Variants in SRGAP3 observed in about 807,000 individuals in gnomAD.
The protein encoded by SRGAP3 is SLIT-ROBO Rho GTPase-activating protein 3.
In SRGAP3, 39 loss-of-function variants were observed where a neutral mutation model predicts 121.1. The ratio of observed to expected loss-of-function variants is 0.32; its 90% CI spans 0.25 to 0.42. SRGAP3 has a LOEUF of 0.42. Among genes scored for constraint, SRGAP3 ranks in the 10% least tolerant of loss-of-function variants. SRGAP3 has a pLI of 1.00. For missense variants in SRGAP3, 1,213 were observed against 1,470.6 expected (o/e 0.82, Z 2.86); for synonymous variants, 601 against 570.0 (o/e 1.05, Z -0.77).
chr3:9,040,035 C>T (rs959550668), intron 10 of SRGAP3, among the ~76,000 whole-genome samples: 1 of 152,208 alleles, frequency 6.6e-6, no homozygotes, highest in African/African-American at 2.4e-5. Flanking sequence ...CAGGTGCTCT[C>T]CTTGAAAACT....
intron 1 of SRGAP3, among the ~76,000 whole-genome samples, chr3:9,231,910 C>T (rs556687456): frequency 9.2e-5 from 14 of 152,216 alleles, no homozygotes; most frequent in South Asian, 8.3e-4. Flanking sequence ...AGACGTGACT[C>T]GCTCAAAAGA....
intron 10 of SRGAP3, among the ~76,000 whole-genome samples, chr3:9,046,583 C>T (rs1333512267): frequency 6.6e-6 from 1 of 152,236 alleles, no homozygotes; most frequent in Non-Finnish European, 1.5e-5. Flanking sequence ...GGCTTTAAGC[C>T]TAGTTGTCAG....
In SRGAP3 at chr3:9,169,169, T is replaced by C. The variant is rs111970966; in HGVS notation, c.68-44252A>G. ...CTAGGAAATGAGGATAGTAATAGTA[T>C]CTATCTTACAATATTGGGGAGCATG... On this transcript the variant is annotated intron_variant, in intron 1 of 21. Coordinates refer to ENST00000383836, the MANE Select transcript of SRGAP3 (RefSeq NM_014850.4). Among the ~76,000 whole-genome samples, 961 of 152,340 alleles carry C rather than the reference T, an allele frequency of 6.3e-3. 9 individuals carry two copies. Among genetic ancestry groups the C allele is most frequent in the African/African-American group, 0.022 (898 of 41,576 alleles).
At chr3:9,024,701 G>A (rs1228159964) in intron 14 of SRGAP3, among the ~76,000 whole-genome samples, 1 of 152,200 alleles carries the variant, frequency 6.6e-6, no homozygotes, top group Non-Finnish European at 1.5e-5. Flanking sequence ...TGGAGGGAGT[G>A]TATAATCTCT....
chr3:9,004,435 T>C (rs1942946230), intron 18 of SRGAP3, among the ~76,000 whole-genome samples: 1 of 152,204 alleles, frequency 6.6e-6, no homozygotes, highest in Non-Finnish European at 1.5e-5. Flanking sequence ...AATTCATATG[T>C]AATCACAAGA....
intron 1 of SRGAP3, among the ~76,000 whole-genome samples, chr3:9,244,417 T>C (rs1287785582): frequency 6.9e-6 from 1 of 145,038 alleles, no homozygotes; most frequent in African/African-American, 2.6e-5. Flanking sequence ...CTTTTGCTAC[T>C]AAGAAGATGG....
At chr3:9,157,896 A>G (rs1231322477) in intron 1 of SRGAP3, among the ~76,000 whole-genome samples, 2 of 152,252 alleles carry the variant, frequency 1.3e-5, no homozygotes, top group African/African-American at 4.8e-5. Flanking sequence ...TTTCAGCTCG[A>G]GGGAAGATTC....
chr3:9,060,428 CTT>C (rs59248524), intron 5 of SRGAP3, 69 bp from the exon 6 acceptor site: 6,750 of 1,164,382 alleles, frequency 5.8e-3, no homozygotes, highest in East Asian at 8.3e-3. Flanking sequence ...TTTTCTATTC[CTT>C]TTTTTTTTTT....
intron 4 of SRGAP3, among the ~76,000 whole-genome samples, chr3:9,079,344 G>A (rs1182216251): frequency 1.3e-5 from 2 of 152,128 alleles, no homozygotes; most frequent in African/African-American, 4.8e-5. Context: ...TGAGGAAGCC[G>A]TAGGCTCCTC....
intron 1 of SRGAP3, among the ~76,000 whole-genome samples, chr3:9,154,301 C>T (rs1298800481): frequency 2.0e-5 from 3 of 152,082 alleles, no homozygotes; most frequent in African/African-American, 7.2e-5. Context: ...TCACCACCGC[C>T]GCCCCTGGGG....
At position 9,056,349 on chromosome 3, in the gene SRGAP3, G is replaced by A. The variant is rs139757318; in HGVS notation, c.1024-15C>T. On this transcript the variant is annotated splice_polypyrimidine_tract_variant and intron_variant, in intron 7 of 21. Coordinates refer to ENST00000383836, the MANE Select transcript of SRGAP3 (RefSeq NM_014850.4). ...ACCTGGCAGACCTGCAGGAATAACA[G>A]CCACCATCTGTGGTTGCCCTGTGCC... 112 of 1,610,802 alleles carry A rather than the reference G, an allele frequency of 7.0e-5. No individual in the cohort carries two copies. In the African/African-American group the frequency reaches 1.4e-3, roughly 20 times the overall value.
intron 1 of SRGAP3, among the ~76,000 whole-genome samples, chr3:9,162,185 C>A (rs557455191): frequency 9.2e-5 from 14 of 151,712 alleles, no homozygotes; most frequent in African/African-American, 3.1e-4. Flanking sequence ...GTTTCAGTTG[C>A]GGAAGAAAAA....
At chr3:9,328,263 C>T (rs2648557) in intron 2 of SRGAP3, among the ~76,000 whole-genome samples, 7,051 of 152,128 alleles carry the variant, frequency 0.046, 341 homozygotes, top group East Asian at 0.31. Context: ...ATAAACATTA[C>T]ACACAACACA....
At chr3:9,347,708 T>TA (rs1349163426) in intron 1 of SRGAP3, among the ~76,000 whole-genome samples, 3 of 152,248 alleles carry the variant, frequency 2.0e-5, no homozygotes, top group Non-Finnish European at 4.4e-5. Flanking sequence ...CAAAGCTTCT[T>TA]ATTTTCCCAT....
At position 9,195,185 on chromosome 3, in the gene SRGAP3, C is replaced by A. The variant is rs573128558; in HGVS notation, c.67+53700G>T. On this transcript the variant is annotated intron_variant, in intron 1 of 21. Transcript: ENST00000383836. The stretch of plus-strand genomic sequence containing the variant: ...ATAAAGATCCAATAACCAAAAATAA[C>A]TGCAAGTGCACAGATTTTTAAAACT... 7.9e-5 allele frequency among the ~76,000 whole-genome samples: 12 copies of A among 152,358 alleles called. No individual in the cohort carries two copies. The East Asian group carries it at 1.9e-3, about 24-fold the overall frequency.
intron 13 of SRGAP3, among the ~76,000 whole-genome samples, chr3:9,025,653 C>T (rs923776434): frequency 1.2e-4 from 19 of 152,178 alleles, no homozygotes; most frequent in African/African-American, 4.3e-4. Flanking sequence ...AAGAGCTAGA[C>T]TCCAGAGTAT....
intron 1 of SRGAP3, among the ~76,000 whole-genome samples, chr3:9,233,378 A>G (rs1441028059): frequency 6.6e-6 from 1 of 152,134 alleles, no homozygotes; most frequent in Non-Finnish European, 1.5e-5. Flanking sequence ...CTGTGACTTT[A>G]GCTTAATTCT....
At chr3:9,243,573 T>C (rs1953722537) in intron 1 of SRGAP3, among the ~76,000 whole-genome samples, 1 of 150,814 alleles carries the variant, frequency 6.6e-6, no homozygotes, top group South Asian at 2.1e-4. Flanking sequence ...AGGCAGAGGT[T>C]ATAGTGAGCC....
chr3:9,253,361 TA>T (rs1954058634), upstream of SRGAP3, among the ~76,000 whole-genome samples: 1 of 152,066 alleles, frequency 6.6e-6, no homozygotes, highest in African/African-American at 2.4e-5. Flanking sequence ...GTTTTCCATT[TA>T]AAAAAAGAAT....
Sources: gnomAD v4.1 joint callset for allele counts (sites outside exome capture counted in the v4.1 genomes callset) on GRCh38, gnomAD v4.1.1 for gene constraint, MANE v1.5 for transcripts, NCBI Gene and HGNC (gene_info 2026-07-23, HGNC 2026-07-21) for gene names.